Variants in NHERF1 observed in about 807,000 individuals in gnomAD.
NHERF1 encodes Na(+)/H(+) exchange regulatory cofactor NHE-RF1.
At chr17:74,752,819 C>T in the NHERF1 span, among the ~76,000 whole-genome samples, 4 of 152,202 alleles carry the variant, frequency 2.6e-5, no homozygotes. Context: ...CTGTTTGTGA[C>T]CTTTTTCTCC....
At chr17:74,750,039 G>A in the NHERF1 span, among the ~76,000 whole-genome samples, 66 of 152,338 alleles carry the variant, frequency 4.3e-4, no homozygotes, top group East Asian at 4.1e-3. Context: ...GAAGGGGAAA[G>A]ACCTTGGAAG....
the NHERF1 span, chr17:74,763,228 C>G: frequency 1.4e-6 from 1 of 713,262 alleles, no homozygotes; most frequent in Non-Finnish European, 2.3e-6. Flanking sequence ...GCAGAAATGG[C>G]GGGGGTCAGT....
chr17:74,766,882 C>T, the NHERF1 span: 1 of 1,579,638 alleles, frequency 6.3e-7, no homozygotes, highest in Non-Finnish European at 8.7e-7. Context: ...ACCTCCTCTC[C>T]ACGCTCTATT....
At chr17:74,763,598 T>G in the NHERF1 span, 2 of 1,465,848 alleles carry the variant, frequency 1.4e-6, no homozygotes, top group Non-Finnish European at 1.9e-6. Context: ...CTAAGACTGC[T>G]GGGTCCCAGG....
chr17:74,768,213 G>C, the NHERF1 span: 2 of 1,613,174 alleles, frequency 1.2e-6, no homozygotes, highest in Non-Finnish European at 1.7e-6. Flanking sequence ...GGTGAGATCC[G>C]CCTCCAGTGA....
At chr17:74,758,216 A>G in the NHERF1 span, among the ~76,000 whole-genome samples, 18 of 152,292 alleles carry the variant, frequency 1.2e-4, no homozygotes, top group African/African-American at 4.3e-4. The surrounding 1 kb of genome is among the most constrained non-coding windows in gnomAD (Gnocchi z 4.3). Context: ...CGCCTATTGA[A>G]TTCCGTGCCC....
chr17:74,757,382 C>A, the NHERF1 span, among the ~76,000 whole-genome samples: 3 of 152,068 alleles, frequency 2.0e-5, no homozygotes, highest in African/African-American at 7.2e-5. Context: ...CCCTGCCGCC[C>A]GCACAGACCT....
At chr17:74,767,403 A>G in the NHERF1 span, among the ~76,000 whole-genome samples, 3 of 152,026 alleles carry the variant, frequency 2.0e-5, no homozygotes, top group Non-Finnish European at 4.4e-5. Flanking sequence ...CGGGGAAGAG[A>G]TGGTGGGGCT....
At chr17:74,762,088 C>T in the NHERF1 span, 246 of 1,614,146 alleles carry the variant, frequency 1.5e-4, no homozygotes, top group African/African-American at 3.0e-3. The surrounding 1 kb of genome is among the most constrained non-coding windows in gnomAD (Gnocchi z 4.2). Flanking sequence ...AGCGACAAGT[C>T]CAAGCCAGGC....
the NHERF1 span, chr17:74,763,671 G>A: frequency 7.6e-6 from 6 of 793,274 alleles, no homozygotes; most frequent in Non-Finnish European, 1.0e-5. Context: ...AGGCCCAGAG[G>A]TGTGGGCTGG....
the NHERF1 span, among the ~76,000 whole-genome samples, chr17:74,755,798 G>C: frequency 1.3e-5 from 2 of 152,192 alleles, no homozygotes; most frequent in African/African-American, 4.8e-5. Flanking sequence ...TCCACATGCA[G>C]ACGTGCTGTG....
At chr17:74,748,927 C>T in the NHERF1 span, 9 of 1,603,194 alleles carry the variant, frequency 5.6e-6, no homozygotes, top group South Asian at 4.4e-5. The surrounding 1 kb of genome is among the most constrained non-coding windows in gnomAD (Gnocchi z 4.3). Flanking sequence ...ACGGCTTCCA[C>T]CTGCACGGGG....
At chr17:74,756,771 A>C in the NHERF1 span, among the ~76,000 whole-genome samples, 5 of 152,290 alleles carry the variant, frequency 3.3e-5, no homozygotes, top group Middle Eastern at 3.4e-3. Flanking sequence ...GCTGGCAATA[A>C]TACTTTCCTT....
the NHERF1 span, chr17:74,748,976 C>T: frequency 6.2e-7 from 1 of 1,607,066 alleles, no homozygotes; most frequent in Non-Finnish European, 8.5e-7. This position sits in a 1 kb window ranked among gnomAD's most constrained non-coding sequence, Gnocchi z 4.3. Flanking sequence ...GCTGGTGGAG[C>T]CCGGCTCGCC....
chr17:74,767,093 C>T, the NHERF1 span: 2 of 889,828 alleles, frequency 2.2e-6, no homozygotes, highest in Non-Finnish European at 3.8e-6. Flanking sequence ...CCAGGGTCCC[C>T]AGTTCCAGCT....
chr17:74,762,032 CTG>C, the NHERF1 span: 1 of 1,614,116 alleles, frequency 6.2e-7, no homozygotes, highest in Non-Finnish European at 8.5e-7. This position sits in a 1 kb window ranked among gnomAD's most constrained non-coding sequence, Gnocchi z 4.2. Flanking sequence ...GGCCTCGGCT[CTG>C]TACCATGAAG....
At chr17:74,754,653 A>G in the NHERF1 span, among the ~76,000 whole-genome samples, 1 of 151,752 alleles carries the variant, frequency 6.6e-6, no homozygotes, top group African/African-American at 2.4e-5. Context: ...TAATTTTTGT[A>G]TTTTTAGTAG....
the NHERF1 span, among the ~76,000 whole-genome samples, chr17:74,751,254 C>T: frequency 6.6e-6 from 1 of 152,238 alleles, no homozygotes; most frequent in African/African-American, 2.4e-5. The surrounding 1 kb of genome is among the most constrained non-coding windows in gnomAD (Gnocchi z 4.3). Context: ...AAAATCCTCT[C>T]CTCTCAATCC....
chr17:74,755,720 A>G, the NHERF1 span, among the ~76,000 whole-genome samples: 31 of 152,124 alleles, frequency 2.0e-4, no homozygotes, highest in African/African-American at 6.8e-4. Flanking sequence ...CTCAGGCAGC[A>G]CAGGTCTGTG....
Sources: gnomAD v4.1 joint callset for allele counts (sites outside exome capture counted in the v4.1 genomes callset) on GRCh38, gnomAD v4.1.1 for gene constraint, Gnocchi (gnomAD v3.1) non-coding constraint, MANE v1.5 for transcripts, NCBI Gene and HGNC (gene_info 2026-07-23, HGNC 2026-07-21) for gene names.